Variants in CACNA1C observed in about 807,000 individuals in gnomAD.
CACNA1C encodes the protein calcium voltage-gated channel subunit alpha1 C.
Under a neutral mutation model 229.0 loss-of-function variants are expected in CACNA1C, and 30 were observed. The ratio of observed to expected loss-of-function variants is 0.13; its 90% confidence interval spans 0.10 to 0.18. CACNA1C has a LOEUF of 0.18. CACNA1C is among the 10% of genes least tolerant of loss of function. The pLI is 1.00. For synonymous variants in CACNA1C, 1,114 were observed against 1,132.5 expected (o/e 0.98, Z 0.33); for missense variants, 1,658 against 2,845.0 (o/e 0.58, Z 9.49).
rs1467900327 is a variant in CACNA1C at position 2,346,586 on chromosome 12, A to C, written c.478-102390A>C. 2.0e-5 allele frequency among the ~76,000 whole-genome samples: 3 copies of C among 152,150 alleles called. No individual in the cohort carries two copies. The highest frequency in any genetic ancestry group is 7.2e-5 in the African/African-American group (3 of 41,420). ...AGTCACATACTCCCCCATTTCTCTT[A>C]GCCGGCCCCAGTGTGTGTCCTGGGG... On this transcript the variant is annotated intron_variant, in intron 3 of 46. Transcript: ENST00000399655. The surrounding 1 kb of genome is among the most constrained non-coding windows in gnomAD (Gnocchi z 4.4).
chr12:2,310,352 AATAT>A (rs35448122), intron 3 of CACNA1C, among the ~76,000 whole-genome samples: 1 of 139,828 alleles, frequency 7.2e-6, no homozygotes, highest in African/African-American at 2.7e-5. Context: ...TAAAAAAAAA[AATAT>A]ATATATATAT....
chr12:2,207,188 G>A (rs1483676362), intron 3 of CACNA1C, among the ~76,000 whole-genome samples: 3 of 152,166 alleles, frequency 2.0e-5, no homozygotes, highest in Admixed American at 2.0e-4. Context: ...CAGGATTTGG[G>A]GGATAGACCA....
chr12:2,436,463 G>T (rs2099135791), intron 3 of CACNA1C, among the ~76,000 whole-genome samples: 1 of 152,330 alleles, frequency 6.6e-6, no homozygotes, highest in African/African-American at 2.4e-5. Context: ...GCTCTGTGCT[G>T]TAACAAGAGG....
At position 2,646,551 on chromosome 12, in the gene CACNA1C, G is replaced by C. The variant is rs377766208; in HGVS notation, c.3913-1924G>C. 3.3e-5 allele frequency: 5 copies of C among 152,190 alleles called. No homozygotes were observed. In the East Asian group the frequency reaches 9.7e-4, roughly 29 times the overall value. 9.4% of individuals were successfully genotyped at this position (152,190 alleles called of 1,614,324 possible). A position where few individuals can be genotyped will look rare whatever the true frequency, so the allele number is the denominator to read the frequency against. ...ACATGGTGTAGGTTACCTCCCTCTG[G>C]ACCTCCCTCCCTGCCCCACTGAAGC... On this transcript the variant is annotated intron_variant, in intron 30 of 46. Coordinates refer to ENST00000399655, the MANE Select transcript of CACNA1C (RefSeq NM_000719.7). The surrounding 1 kb of genome is among the most constrained non-coding windows in gnomAD (Gnocchi z 4.6).
rs61532099 is a variant in CACNA1C at position 2,490,633 on chromosome 12, C to T, written c.917-2557C>T. Reference sequence around the variant, plus strand: ...CCAGTCTCTCAGCTCCCAAATTTTTCGGTGCTTATTATCCACTTTTTCATG... The same window carrying T: ...CCAGTCTCTCAGCTCCCAAATTTTTTGGTGCTTATTATCCACTTTTTCATG... On this transcript the variant is annotated intron_variant, in intron 6 of 46. Coordinates refer to ENST00000399655, the MANE Select transcript of CACNA1C (RefSeq NM_000719.7). Among the ~76,000 whole-genome samples, 2,399 of 152,298 alleles carry T rather than the reference C, an allele frequency of 0.016. 164 individuals carry two copies. The East Asian group carries it at 0.23, about 14-fold the overall frequency.
chr12:2,342,677 A>G (rs1028397979), intron 3 of CACNA1C, among the ~76,000 whole-genome samples: 2 of 152,220 alleles, frequency 1.3e-5, no homozygotes, highest in African/African-American at 4.8e-5. Flanking sequence ...CATTGAATTT[A>G]CTTTCATCTT....
chr12:2,314,287 T>G (rs1450720250), intron 3 of CACNA1C, among the ~76,000 whole-genome samples: 2 of 152,182 alleles, frequency 1.3e-5, no homozygotes, highest in East Asian at 3.8e-4. Flanking sequence ...CATTTCTATC[T>G]CACTGAGGTT....
At chr12:2,216,051 A>G (rs1440161020) in intron 3 of CACNA1C, among the ~76,000 whole-genome samples, 3 of 152,186 alleles carry the variant, frequency 2.0e-5, no homozygotes, top group African/African-American at 7.2e-5. Flanking sequence ...AGAGGAAGGA[A>G]CCCCATCACA....
chr12:2,329,820 G>A (rs2154513549), intron 3 of CACNA1C, among the ~76,000 whole-genome samples: 1 of 152,290 alleles, frequency 6.6e-6, no homozygotes, highest in African/African-American at 2.4e-5. Flanking sequence ...AGTCCTTGTA[G>A]TGAATAAACT....
intron 3 of CACNA1C, among the ~76,000 whole-genome samples, chr12:2,414,442 G>T (rs1179949462): frequency 6.6e-6 from 1 of 152,136 alleles, no homozygotes; most frequent in Non-Finnish European, 1.5e-5. Flanking sequence ...GCCGGATTTT[G>T]ATTGCCTGTG....
chr12:2,436,472 G>A (rs2099135846), intron 3 of CACNA1C, among the ~76,000 whole-genome samples: 1 of 152,198 alleles, frequency 6.6e-6, no homozygotes, highest in African/African-American at 2.4e-5. Flanking sequence ...TGTAACAAGA[G>A]GCTAAGCACA....
At position 2,624,694 on chromosome 12, in the gene CACNA1C, C is replaced by T. The variant is rs139629072; in HGVS notation, c.3829-9603C>T. Among the ~76,000 whole-genome samples, 984 of 152,336 alleles carry T rather than the reference C, an allele frequency of 6.5e-3. 16 individuals carry two copies. The highest frequency in any genetic ancestry group is 0.022 in the African/African-American group (910 of 41,572). ...TCCATGTCCCTACAGAGCTCCACAG[C>T]GCCCCGTGGTGGCCAGTGTCACCCC... On this transcript the variant is annotated intron_variant, in intron 29 of 46. Transcript: ENST00000399655.
chr12:2,106,105 G>A (rs1432321063), intron 1 of CACNA1C, among the ~76,000 whole-genome samples: 3 of 53,060 alleles, frequency 5.7e-5, no homozygotes, highest in African/African-American at 1.7e-4. Flanking sequence ...AAGCCACTGG[G>A]CGCCCACCCT....
intron 3 of CACNA1C, among the ~76,000 whole-genome samples, chr12:2,274,065 C>G (rs377421499): frequency 1.3e-5 from 2 of 152,188 alleles, no homozygotes; most frequent in African/African-American, 4.8e-5. Flanking sequence ...GGCCCTGGGT[C>G]GAAGGAGTGG....
chr12:2,450,705 G>T (rs910211030), intron 4 of CACNA1C, among the ~76,000 whole-genome samples: 3 of 152,096 alleles, frequency 2.0e-5, no homozygotes, highest in Admixed American at 6.5e-5. Flanking sequence ...CCCAGTGAGT[G>T]CTCAAGTGGC....
At chr12:2,173,931 A>G (rs1237787571) in intron 3 of CACNA1C, among the ~76,000 whole-genome samples, 1 of 152,090 alleles carries the variant, frequency 6.6e-6, no homozygotes, top group Non-Finnish European at 1.5e-5. Context: ...AATCAGGGAC[A>G]ATATTACCTA....
chr12:2,620,468 G>A (rs1283487716), intron 29 of CACNA1C, among the ~76,000 whole-genome samples: 2 of 152,184 alleles, frequency 1.3e-5, no homozygotes, highest in Admixed American at 1.3e-4. Context: ...CAGAAAGAAA[G>A]AAAGCCATTC....
intron 3 of CACNA1C, chr12:2,220,961 GAAAC>G (rs2061321525): frequency 6.6e-6 from 1 of 152,198 alleles, no homozygotes; most frequent in East Asian, 1.9e-4. Context: ...AAATCAAAGA[GAAAC>G]AAGCAGAGTT....
intron 1 of CACNA1C, among the ~76,000 whole-genome samples, chr12:2,036,627 G>A (rs1347612050): frequency 1.8e-4 from 28 of 152,182 alleles, no homozygotes; most frequent in Non-Finnish European, 1.0e-4. Flanking sequence ...CACCACGCCC[G>A]GCTAATTTTT....
Sources: allele counts gnomAD v4.1 joint callset (sites outside exome capture counted in the v4.1 genomes callset), GRCh38; gene constraint gnomAD v4.1.1; non-coding constraint Gnocchi (gnomAD v3.1); transcripts MANE v1.5; gene names NCBI Gene and HGNC (gene_info 2026-07-23, HGNC 2026-07-21).